The following CDK12 variants were observed in gnomAD, a reference collection of about 807,000 sequenced individuals.
CDK12 encodes the protein cyclin-dependent kinase 12.
CDK12 carries 17 observed loss-of-function variants against 133.8 expected under a neutral mutation model. That is an observed-to-expected ratio of 0.13 (90% confidence interval 0.09 to 0.19). The LOEUF is 0.19. CDK12 is among the 10% of genes least tolerant of loss of function. The pLI is 1.00. For missense variants in CDK12, 1,508 were observed against 1,818.7 expected (o/e 0.83, Z 3.11); for synonymous variants, 694 against 683.6 (o/e 1.02, Z -0.24).
At position 39,530,692 on chromosome 17, in the gene CDK12, A is replaced by G; in HGVS notation, c.3849A>G (p.Glu1283=). 6.2e-7 allele frequency: 1 copy of G among 1,613,548 alleles called. No individual in the cohort carries two copies. Among genetic ancestry groups the G allele is most frequent in the Non-Finnish European group, 8.5e-7 (1 of 1,179,822 alleles). Residue 1283 remains glutamate, a synonymous_variant, in exon 14 of 14, where the codon GAA becomes GAG. Coordinates refer to ENST00000447079, the MANE Select transcript of CDK12 (RefSeq NM_016507.4). The stretch of plus-strand genomic sequence containing the variant: ...CGCCACCTCCACCCCCTCTGGTTGA[A>G]GGCGATCTTTCCAGCGCCCCCCAGG... ...PPPPPPPPLV[E]GDLSSAPQEL...
chr17:39,524,312 C>T (rs991384511), intron 11 of CDK12, among the ~76,000 whole-genome samples: 2 of 152,214 alleles, frequency 1.3e-5, no homozygotes, highest in Non-Finnish European at 2.9e-5. Flanking sequence ...ACAAGCCAGC[C>T]ATTACTGTCC....
chr17:39,499,211 T>TCTTTC (rs1280503542), intron 5 of CDK12, among the ~76,000 whole-genome samples: 1 of 86,270 alleles, frequency 1.2e-5, no homozygotes, highest in Non-Finnish European at 2.2e-5. Context: ...TTCTTTCCTT[T>TCTTTC]TTTTTTTTTT....
chr17:39,537,626 G>T (rs961885808), downstream of CDK12, among the ~76,000 whole-genome samples: 1 of 148,872 alleles, frequency 6.7e-6, no homozygotes, highest in Non-Finnish European at 1.5e-5. Flanking sequence ...GCAGTGGTGT[G>T]ATCTCGGCTC....
rs1279469241 is a variant in CDK12 at position 39,526,187 on chromosome 17, G to A, written c.3631G>A (p.Ala1211Thr). Residue 1211 changes from alanine (A) to threonine (T), a missense_variant, in exon 13 of 14, where the codon GCA becomes ACA. Coordinates refer to ENST00000447079, the MANE Select transcript of CDK12 (RefSeq NM_016507.4). ...ACCAGCTGACATGCAGAATATATTG[G>A]CAGTTCTCTTGAGTCAGCTGATGAA... ...STPADMQNIL[A>T]VLLSQLMKTQ... 1 of 1,614,068 alleles carries A rather than the reference G, an allele frequency of 6.2e-7. No individual in the cohort carries two copies. The highest frequency in any genetic ancestry group is 8.5e-7 in the Non-Finnish European group (1 of 1,180,024).
rs2146834107 is a variant in CDK12, at chr17:39,530,800, G to A, written c.3957G>A (p.Glu1319=). The A allele has an allele frequency of 1.2e-6, 2 of 1,614,190 alleles. No homozygotes were observed. Among genetic ancestry groups the A allele is most frequent in the Non-Finnish European group, 1.7e-6 (2 of 1,180,044 alleles). The change falls in exon 14 of 14, where the codon GAG becomes GAA. Residue 1319 remains glutamate, a synonymous_variant. Coordinates refer to ENST00000447079, the MANE Select transcript of CDK12 (RefSeq NM_016507.4). The stretch of plus-strand genomic sequence containing the variant: ...AGCCTCCTGGCCACCTGCCACATGA[G>A]CACCAGGCCTTGAGACCAATGGAGT... ...EAEPPGHLPH[E]HQALRPMEYS...
intron 2 of CDK12, among the ~76,000 whole-genome samples, chr17:39,553,543 C>T (rs1224326038): frequency 6.6e-6 from 1 of 152,230 alleles, no homozygotes; most frequent in Non-Finnish European, 1.5e-5. Context: ...GGCTAGTGAT[C>T]CTGCTCTGCT....
chr17:39,485,408 CTTT>C (rs35318849), intron 2 of CDK12, among the ~76,000 whole-genome samples: 1,185 of 69,882 alleles, frequency 0.017, 22 homozygotes, highest in African/African-American at 0.058. Flanking sequence ...CATCCCCCCC[CTTT>C]TTTTTTTTTT....
At chr17:39,538,468 T>C (rs1376316403), downstream of CDK12, among the ~76,000 whole-genome samples, 2 of 152,194 alleles carry the variant, frequency 1.3e-5, no homozygotes, top group East Asian at 3.8e-4. Flanking sequence ...GGAACATGTA[T>C]GGTGTTGCGA....
chr17:39,462,256 C>A lies in CDK12; in HGVS notation c.185C>A (p.Ser62Tyr), dbSNP rs561243282. Residue 62 changes from serine (S) to tyrosine (Y), a missense_variant, in exon 1 of 14, where the codon TCC becomes TAC. Transcript: ENST00000447079. ...DMGLVTPEAA[S>Y]LGTVIKPLVE... ...GGGTTGGTGACCCCCGAAGCAGCAT[C>A]CCTGGGCACAGTTATCAAACCTTTG... 1.2e-6 allele frequency: 2 copies of A among 1,614,202 alleles called. No homozygotes were observed. The highest frequency in any genetic ancestry group is 1.7e-6 in the Non-Finnish European group (2 of 1,180,052).
At chr17:39,481,249 G>A (rs1472511499) in intron 2 of CDK12, among the ~76,000 whole-genome samples, 3 of 116,082 alleles carry the variant, frequency 2.6e-5, no homozygotes, top group East Asian at 5.1e-4. Flanking sequence ...GCGAAACTCC[G>A]TCTCAAAAAA....
intron 2 of CDK12, 38 bp downstream of exon 2, chr17:39,471,801 C>A (rs1359791643): frequency 1.3e-6 from 2 of 1,524,390 alleles, no homozygotes; most frequent in Admixed American, 3.9e-5. Flanking sequence ...CCCCCTTGAT[C>A]TAAACATAAA....
At chr17:39,522,372 C>G (rs572685226) in intron 11 of CDK12, among the ~76,000 whole-genome samples, 1 of 152,082 alleles carries the variant, frequency 6.6e-6, no homozygotes, top group Admixed American at 6.6e-5. Flanking sequence ...CAGGCGTGAG[C>G]CACTGAACCC....
Position 39,461,934 on chromosome 17 carries a change from G to T in CDK12, c.-138G>T. On this transcript the variant is annotated 5_prime_UTR_variant, in exon 1 of 14. Coordinates refer to ENST00000447079, the MANE Select transcript of CDK12 (RefSeq NM_016507.4). The stretch of plus-strand genomic sequence containing the variant: ...AGGCGTCGGGAGGGAGGAGGAGCCT[G>T]GGCTACCGTCCCTGCCCTCCCCACC... 1 of 661,458 alleles carries T rather than the reference G, an allele frequency of 1.5e-6. No homozygotes were observed. The highest frequency in any genetic ancestry group is 2.9e-5 in the Admixed American group (1 of 34,260). 41.0% of individuals were successfully genotyped at this position (661,458 alleles called of 1,614,324 possible).
At chr17:39,521,168 A>G (rs1451624753) in intron 11 of CDK12, among the ~76,000 whole-genome samples, 2 of 151,818 alleles carry the variant, frequency 1.3e-5, no homozygotes, top group Non-Finnish European at 2.9e-5. Context: ...TTTAGTAGAG[A>G]TGGGGTTTCA....
chr17:39,504,523 G>GT (rs2052955229), intron 6 of CDK12, among the ~76,000 whole-genome samples: 1 of 152,082 alleles, frequency 6.6e-6, no homozygotes, highest in South Asian at 2.1e-4. Flanking sequence ...TAATGGGAAG[G>GT]TACTGGTAGG....
chr17:39,529,453 A>T (rs2054693559), intron 13 of CDK12, among the ~76,000 whole-genome samples: 1 of 152,190 alleles, frequency 6.6e-6, no homozygotes, highest in African/African-American at 2.4e-5. Flanking sequence ...CTATATATAT[A>T]TTTTAAAATA....
chr17:39,541,874 C>A (rs1216591793), intron 1 of CDK12, among the ~76,000 whole-genome samples: 2 of 152,224 alleles, frequency 1.3e-5, no homozygotes, highest in African/African-American at 4.8e-5. Flanking sequence ...GTCAGGTAAT[C>A]TAACCTCTCC....
Position 39,518,407 on chromosome 17 carries a change from T to TGGG in CDK12, c.2963+851_2963+852insGGG, listed in dbSNP as rs2053947425. ...GTCTTGAGCTCCTGGGCTCAAGTGC[T>TGGG]CTTCCTGCCTCAGCCCCCCAAATTG... On this transcript the variant is annotated intron_variant, in intron 10 of 13. Coordinates refer to ENST00000447079, the MANE Select transcript of CDK12 (RefSeq NM_016507.4). Among the ~76,000 whole-genome samples, 2 of 151,920 alleles carry TGGG rather than the reference T, an allele frequency of 1.3e-5. 1 individual carries two copies. Among genetic ancestry groups the TGGG allele is most frequent in the Middle Eastern group, 6.8e-3 (2 of 292 alleles).
intron 5 of CDK12, among the ~76,000 whole-genome samples, chr17:39,497,496 T>C (rs576222776): frequency 1.4e-4 from 21 of 151,972 alleles, no homozygotes; most frequent in East Asian, 9.7e-4. Context: ...TGAGCCGAGA[T>C]TGAGTTACTG....
Sources: gnomAD v4.1 joint callset for allele counts (sites outside exome capture counted in the v4.1 genomes callset) on GRCh38, gnomAD v4.1.1 for gene constraint, MANE v1.5 for transcripts, NCBI Gene and HGNC (gene_info 2026-07-23, HGNC 2026-07-21) for gene names.